The following MED27 variants were observed in gnomAD, a reference collection of about 807,000 sequenced individuals.
MED27 encodes mediator of RNA polymerase II transcription subunit 27.
Under a neutral mutation model 38.2 loss-of-function variants are expected in MED27, and 30 were observed. That is an observed-to-expected ratio of 0.79 (90% CI 0.59 to 1.07). The LOEUF (loss-of-function observed/expected upper bound fraction) is 1.07, where lower values mean the gene tolerates loss of function less well. Among genes scored for constraint, MED27 ranks in the 50% least tolerant of loss-of-function variants. The pLI is 0.00. For missense variants in MED27, 289 were observed against 397.5 expected, an observed-to-expected ratio of 0.73 and a Z score of 2.32; for synonymous variants, 122 against 153.5, an observed-to-expected ratio of 0.79 and a Z score of 1.52.
At chr9:131,910,069 T>C (rs1167461743) in intron 4 of MED27, among the ~76,000 whole-genome samples, 1 of 152,190 alleles carries the variant, frequency 6.6e-6, no homozygotes, top group Non-Finnish European at 1.5e-5. Flanking sequence ...ACAAAACTGT[T>C]TGCAATGATC....
At chr9:131,893,836 T>C (rs775444912) in intron 5 of MED27, 49 bp downstream of exon 5, 1 of 1,350,498 alleles carries the variant, frequency 7.4e-7, no homozygotes, top group South Asian at 1.2e-5. Flanking sequence ...ACTACACTTG[T>C]TCTGGGATAC....
At chr9:131,922,537 T>G (rs1461915103) in intron 4 of MED27, among the ~76,000 whole-genome samples, 1 of 151,720 alleles carries the variant, frequency 6.6e-6, no homozygotes, top group Non-Finnish European at 1.5e-5. Flanking sequence ...ACCTCCCAGG[T>G]TCAAGCAATT....
intron 4 of MED27, among the ~76,000 whole-genome samples, chr9:131,904,201 G>C (rs1022256381): frequency 6.6e-6 from 1 of 151,644 alleles, no homozygotes; most frequent in African/African-American, 2.4e-5. Context: ...GACCAGCCCA[G>C]CTATTTTTTG....
intron 2 of MED27, among the ~76,000 whole-genome samples, chr9:132,055,447 A>G (rs911760105): frequency 1.2e-4 from 18 of 152,338 alleles, no homozygotes; most frequent in African/African-American, 4.3e-4. Flanking sequence ...TATAAACAAA[A>G]TACAGTAATT....
rs564505101 is a variant in MED27 at position 132,050,917 on chromosome 9, G to C, written c.348+26525C>G. On this transcript the variant is annotated intron_variant, in intron 2 of 7. Coordinates refer to ENST00000292035, the MANE Select transcript of MED27 (RefSeq NM_004269.4). ...TCATTACTACATTGTCAACATCTCG[G>C]CATATGAATGGCACTCAATAACTAC... 3.9e-5 allele frequency among the ~76,000 whole-genome samples: 6 copies of C among 152,310 alleles called. No individual in the cohort carries two copies. The East Asian group carries it at 1.2e-3, about 29-fold the overall frequency.
chr9:131,894,999 AC>A (rs1829802200), intron 4 of MED27, among the ~76,000 whole-genome samples: 1 of 151,930 alleles, frequency 6.6e-6, no homozygotes, highest in African/African-American at 2.4e-5. Flanking sequence ...CTCCCCTTAG[AC>A]CTTCCACCAT....
At chr9:131,877,135 A>G (rs1478928410) in intron 6 of MED27, among the ~76,000 whole-genome samples, 1 of 152,198 alleles carries the variant, frequency 6.6e-6, no homozygotes, top group Non-Finnish European at 1.5e-5. Flanking sequence ...CGAACAGGGA[A>G]TGGGACTGAG....
chr9:131,910,163 C>T (rs564573836), intron 4 of MED27, among the ~76,000 whole-genome samples: 40 of 152,296 alleles, frequency 2.6e-4, no homozygotes, highest in African/African-American at 8.4e-4. Context: ...GGGCTCTAGG[C>T]ACTTCCTTCT....
chr9:131,981,797 A>G (rs1175962877), intron 3 of MED27, among the ~76,000 whole-genome samples: 2 of 152,224 alleles, frequency 1.3e-5, no homozygotes, highest in African/African-American at 4.8e-5. Flanking sequence ...ACGGCGGCCA[A>G]GGAGGCAACG....
intron 2 of MED27, among the ~76,000 whole-genome samples, chr9:132,033,268 T>C (rs34173725): frequency 0.037 from 5,686 of 152,258 alleles, 149 homozygotes; most frequent in Middle Eastern, 0.13. Flanking sequence ...ATACAATATA[T>C]AAATCACGAA....
At chr9:132,012,457 G>T (rs1410086304) in intron 3 of MED27, among the ~76,000 whole-genome samples, 2 of 152,174 alleles carry the variant, frequency 1.3e-5, no homozygotes, top group African/African-American at 4.8e-5. Context: ...AGGCTGGCTG[G>T]TTACATTCCT....
At chr9:131,908,019 C>T (rs373981117) in intron 4 of MED27, among the ~76,000 whole-genome samples, 15 of 150,862 alleles carry the variant, frequency 9.9e-5, no homozygotes, top group East Asian at 6.0e-4. Context: ...CCCCTCCGCC[C>T]GGCAGCCGCC....
At chr9:132,009,006 C>T (rs1372577089) in intron 3 of MED27, among the ~76,000 whole-genome samples, 1 of 152,198 alleles carries the variant, frequency 6.6e-6, no homozygotes, top group Non-Finnish European at 1.5e-5. Context: ...TGGGCTTCCC[C>T]AAGTGGACCT....
At chr9:131,987,178 C>T (rs1018737868) in intron 3 of MED27, among the ~76,000 whole-genome samples, 4 of 152,032 alleles carry the variant, frequency 2.6e-5, no homozygotes, top group African/African-American at 9.7e-5. Flanking sequence ...CCTTGCTGCA[C>T]GTTCTCAAAG....
intron 2 of MED27, among the ~76,000 whole-genome samples, chr9:132,040,055 G>A (rs1053309784): frequency 2.0e-5 from 3 of 152,224 alleles, no homozygotes; most frequent in South Asian, 4.2e-4. Flanking sequence ...TACACTTTAC[G>A]ATATGATAAA....
intron 2 of MED27, among the ~76,000 whole-genome samples, chr9:132,068,350 C>T (rs887036662): frequency 2.6e-5 from 4 of 152,090 alleles, no homozygotes; most frequent in African/African-American, 7.2e-5. Context: ...CAAGTGCCAG[C>T]GAGGGAGCTG....
At position 131,932,476 on chromosome 9, in the gene MED27, T is replaced by C. The variant is rs186163178; in HGVS notation, c.573+6905A>G. The stretch of plus-strand genomic sequence containing the variant: ...AGAAATTAAAAGGATCATTAGTGGC[T>C]ACTATGAGCAACTACATGCCAATAC... On this transcript the variant is annotated intron_variant, in intron 4 of 7. Transcript: ENST00000292035. 4.6e-4 allele frequency among the ~76,000 whole-genome samples: 69 copies of C among 151,282 alleles called. 1 individual carries two copies. The East Asian group carries it at 0.012, about 27-fold the overall frequency.
intron 3 of MED27, among the ~76,000 whole-genome samples, chr9:131,964,298 G>A (rs1041642709): frequency 1.3e-5 from 2 of 151,552 alleles, no homozygotes; most frequent in South Asian, 2.1e-4. Context: ...GGTTGATAGC[G>A]ATTGTGGTGG....
intron 2 of MED27, among the ~76,000 whole-genome samples, chr9:132,055,997 G>A (rs1351546227): frequency 6.6e-6 from 1 of 152,194 alleles, no homozygotes; most frequent in Non-Finnish European, 1.5e-5. Flanking sequence ...GGACAGCCAG[G>A]AAGGCAGTGG....
Sources: gnomAD v4.1 joint callset for allele counts (sites outside exome capture counted in the v4.1 genomes callset) on GRCh38, gnomAD v4.1.1 for gene constraint, MANE v1.5 for transcripts, NCBI Gene and HGNC (gene_info 2026-07-23, HGNC 2026-07-21) for gene names.